Variants in CATSPER3 observed in about 807,000 individuals in gnomAD.
CATSPER3 encodes cation channel sperm-associated protein 3.
CATSPER3 carries 23 observed loss-of-function variants against 36.6 expected under a neutral mutation model. The observed-to-expected ratio is 0.63, with a 90% CI of 0.45 to 0.89. The LOEUF (loss-of-function observed/expected upper bound fraction) is 0.89. CATSPER3 is among the 40% of genes least tolerant of loss of function. The probability of loss-of-function intolerance (pLI) is 0.00; values close to 1 mark genes in which losing one functional copy is unlikely to be tolerated. For synonymous variants in CATSPER3, 172 were observed against 184.1 expected (o/e 0.93, Z 0.53); for missense variants, 474 against 503.9 (o/e 0.94, Z 0.57).
chr5:135,008,160 G>A, intron 4 of CATSPER3, 21 bp downstream of exon 4: 1 of 1,606,234 alleles, frequency 6.2e-7, no homozygotes, highest in Non-Finnish European at 8.5e-7. Context: ...TGGGAACAGT[G>A]GTGAGGGCAG....
chr5:134,996,082 G>A (rs1053749389), intron 2 of CATSPER3, among the ~76,000 whole-genome samples, 191 bp from the exon 3 acceptor site: 16 of 152,240 alleles, frequency 1.1e-4, no homozygotes, highest in African/African-American at 3.9e-4. Flanking sequence ...GGGCCACGGG[G>A]TAGGGAGGAC....
At position 135,003,666 on chromosome 5, in the gene CATSPER3, C is replaced by T. The variant is rs1020199629; in HGVS notation, c.493-4291C>T. 3.3e-5 allele frequency among the ~76,000 whole-genome samples: 5 copies of T among 152,370 alleles called. No homozygotes were observed. The South Asian group carries it at 6.2e-4, about 19-fold the overall frequency. On this transcript the variant is annotated intron_variant, in intron 3 of 7. Coordinates refer to ENST00000282611, the MANE Select transcript of CATSPER3 (RefSeq NM_178019.3). ...CCTCAGCAATGGCAGGCGCCCATCC[C>T]GCAGCCTCGCTGCTGCCTTGCAGTT...
At chr5:135,001,386 G>A (rs1457710357) in intron 3 of CATSPER3, among the ~76,000 whole-genome samples, 1 of 152,216 alleles carries the variant, frequency 6.6e-6, no homozygotes, top group Non-Finnish European at 1.5e-5. Context: ...TGGAATAAGT[G>A]CGATGTGTTG....
intron 3 of CATSPER3, among the ~76,000 whole-genome samples, chr5:134,998,734 T>C (rs778703496): frequency 1.7e-4 from 26 of 152,242 alleles, no homozygotes; most frequent in Non-Finnish European, 3.1e-4. Flanking sequence ...AGAGTGTCTG[T>C]TCATATCCTT....
intron 3 of CATSPER3, among the ~76,000 whole-genome samples, chr5:135,001,983 G>C (rs1435199663): frequency 1.3e-5 from 2 of 152,296 alleles, no homozygotes; most frequent in East Asian, 3.9e-4. Flanking sequence ...ATATTGTTAT[G>C]TGTGAATTTG....
At chr5:134,998,240 G>T (rs1751976417) in intron 3 of CATSPER3, among the ~76,000 whole-genome samples, 1 of 152,170 alleles carries the variant, frequency 6.6e-6, no homozygotes, top group Admixed American at 6.5e-5. Context: ...CCCTACAAAC[G>T]ACATGAACTC....
In CATSPER3 at chr5:135,008,892, T is replaced by G; in HGVS notation, c.727T>G (p.Leu243Val). ...QKQLDNREFA[L>V]SRAFTIIFIL... ...GCAGTTGGACAATCGGGAATTTGCT[T>G]TGAGCCGGGCATTCACCATCATCTT... Residue 243 changes from leucine (L) to valine (V), a missense_variant, in exon 5 of 8, where the codon TTG becomes GTG. By Grantham distance (32) the Leu-to-Val change is conservative. Coordinates refer to ENST00000282611, the MANE Select transcript of CATSPER3 (RefSeq NM_178019.3). The G allele has an allele frequency of 6.2e-7, 1 of 1,614,134 alleles. No homozygotes were observed. The highest frequency in any genetic ancestry group is 1.1e-5 in the South Asian group (1 of 91,090).
chr5:134,975,025 C>T (rs990848070), intron 2 of CATSPER3: 1 of 152,068 alleles, frequency 6.6e-6, no homozygotes, highest in African/African-American at 2.4e-5. Flanking sequence ...GATTTGGGTT[C>T]AAGCCCCAGC....
chr5:135,009,962 G>A (rs1215497248), intron 6 of CATSPER3, among the ~76,000 whole-genome samples: 2 of 152,234 alleles, frequency 1.3e-5, no homozygotes, highest in Admixed American at 1.3e-4. Context: ...ATGCAACCAT[G>A]AGGGACCCGG....
chr5:135,007,465 A>G (rs1752102325), intron 3 of CATSPER3, among the ~76,000 whole-genome samples: 1 of 152,238 alleles, frequency 6.6e-6, no homozygotes, highest in Admixed American at 6.5e-5. Context: ...GTTACAAGAC[A>G]GGGACCTACC....
chr5:134,968,050 C>G lies in CATSPER3; in HGVS notation c.59C>G (p.Thr20Ser). 6.2e-7 allele frequency: 1 copy of G among 1,613,954 alleles called. No individual in the cohort carries two copies. Among genetic ancestry groups the G allele is most frequent in the Non-Finnish European group, 8.5e-7 (1 of 1,179,798 alleles). ...SRVISSSPVDTTSVGFCPTFK... is the reference protein window; with the variant it reads ...SRVISSSPVDSTSVGFCPTFK... ...GTCATTTCTAGTTCACCAGTTGACA[C>G]TACATCGGTGGGATTTTGCCCAACA... is the stretch of plus-strand genomic sequence containing the variant. The change falls in exon 1 of 8, where the codon ACT (threonine) becomes AGT (serine). Residue 20 changes from threonine to serine, a missense_variant. By Grantham distance (58) the Thr-to-Ser change is moderately conservative (BLOSUM62 1). Transcript: ENST00000282611.
At chr5:134,995,385 C>T (rs1751932774) in intron 2 of CATSPER3, among the ~76,000 whole-genome samples, 1 of 152,016 alleles carries the variant, frequency 6.6e-6, no homozygotes, top group African/African-American at 2.4e-5. Context: ...TGATATTTGT[C>T]CTTCTGTGTT....
chr5:134,968,512 G>A (rs1275396301), intron 1 of CATSPER3: 5 of 248,876 alleles, frequency 2.0e-5, no homozygotes, highest in East Asian at 1.1e-4. Flanking sequence ...CCAACGTGGC[G>A]AAACCCCATC....
chr5:134,972,209 G>C (rs551899035), intron 2 of CATSPER3, among the ~76,000 whole-genome samples: 1 of 152,254 alleles, frequency 6.6e-6, no homozygotes, highest in East Asian at 1.9e-4. Flanking sequence ...GAGCATTTTG[G>C]ATTTTGGATT....
At chr5:135,008,331 A>G (rs551311046) in intron 4 of CATSPER3, among the ~76,000 whole-genome samples, 192 bp downstream of exon 4, 82 of 152,154 alleles carry the variant, frequency 5.4e-4, no homozygotes, top group Non-Finnish European at 1.0e-3. Context: ...CGCTGTCTCT[A>G]GGCCTGTGAT....
At chr5:135,001,752 A>G in intron 3 of CATSPER3, among the ~76,000 whole-genome samples, 2 of 152,102 alleles carry the variant, frequency 1.3e-5, no homozygotes, top group Non-Finnish European at 2.9e-5. Flanking sequence ...TTGTTGGTTT[A>G]AAGTCTGTTT....
Position 135,004,879 on chromosome 5 carries a change from G to A in CATSPER3, c.493-3078G>A, listed in dbSNP as rs183581318. Among the ~76,000 whole-genome samples the A allele has an allele frequency of 3.3e-5, 5 of 152,118 alleles. No individual in the cohort carries two copies. The East Asian group carries it at 7.7e-4, about 23-fold the overall frequency. On this transcript the variant is annotated intron_variant, in intron 3 of 7. Coordinates refer to ENST00000282611, the MANE Select transcript of CATSPER3 (RefSeq NM_178019.3). Reference sequence around the variant, plus strand: ...TGGCCCCCTGAATCTGAGGGCTGTCGGGGATAGGCAGCCTTCTTGGAGAGG... The same window carrying A: ...TGGCCCCCTGAATCTGAGGGCTGTCAGGGATAGGCAGCCTTCTTGGAGAGG...
At chr5:135,008,370 G>C (rs1192109432) in intron 4 of CATSPER3, among the ~76,000 whole-genome samples, 2 of 152,182 alleles carry the variant, frequency 1.3e-5, no homozygotes, top group African/African-American at 4.8e-5. Flanking sequence ...ATGTCTCACA[G>C]GGTGATCAAA....
At chr5:134,990,683 C>T (rs1164699284) in intron 2 of CATSPER3, among the ~76,000 whole-genome samples, 3 of 152,112 alleles carry the variant, frequency 2.0e-5, no homozygotes, top group Admixed American at 6.5e-5. Flanking sequence ...AAGCACACAC[C>T]GTTGGAAAAA....
Sources: gnomAD v4.1 joint callset for allele counts (sites outside exome capture counted in the v4.1 genomes callset) on GRCh38, gnomAD v4.1.1 for gene constraint, MANE v1.5 for transcripts, NCBI Gene and HGNC (gene_info 2026-07-23, HGNC 2026-07-21) for gene names.